Variants in TENM3 observed in about 807,000 individuals in gnomAD.
TENM3 encodes the protein teneurin transmembrane protein 3.
In TENM3, 63 loss-of-function variants were observed where a neutral mutation model predicts 255.1. The observed-to-expected ratio is 0.25, with a 90% CI of 0.20 to 0.30. The LOEUF is 0.30. TENM3 is among the 10% of genes least tolerant of loss of function. TENM3 has a pLI of 1.00. For synonymous variants in TENM3, 1,306 were observed against 1,322.3 expected, an observed-to-expected ratio of 0.99 and a Z score of 0.27; for missense variants, 2,929 against 3,461.1, an observed-to-expected ratio of 0.85 and a Z score of 3.86.
intron 3 of TENM3, among the ~76,000 whole-genome samples, chr4:182,391,458 C>A (rs908341919): frequency 1.3e-5 from 2 of 152,180 alleles, no homozygotes; most frequent in Admixed American, 6.5e-5. Context: ...TTAAATAAAA[C>A]CATGACTGGC....
chr4:182,654,037 T>C (rs1261950753), intron 6 of TENM3, 144 bp downstream of exon 6: 1 of 748,738 alleles, frequency 1.3e-6, no homozygotes, highest in African/African-American at 1.8e-5. Context: ...TAAGTTTTTT[T>C]CAATTAATTT....
the TENM3 span, among the ~76,000 whole-genome samples, chr4:181,527,349 G>C: frequency 6.6e-6 from 1 of 151,956 alleles, no homozygotes; most frequent in African/African-American, 2.4e-5. Context: ...AGGTTTTTGG[G>C]TGTTTTTATT....
At chr4:181,978,810 C>T in the TENM3 span, among the ~76,000 whole-genome samples, 2 of 151,030 alleles carry the variant, frequency 1.3e-5, no homozygotes, top group South Asian at 2.1e-4. Context: ...AACTTAGGAA[C>T]GTATGAAATA....
At chr4:181,477,829 C>A in the TENM3 span, among the ~76,000 whole-genome samples, 1 of 152,046 alleles carries the variant, frequency 6.6e-6, no homozygotes, top group Non-Finnish European at 1.5e-5. Context: ...TTCTGAATCA[C>A]GTGAATACTT....
the TENM3 span, among the ~76,000 whole-genome samples, chr4:182,074,648 G>A: frequency 1.3e-5 from 2 of 152,174 alleles, no homozygotes; most frequent in East Asian, 1.9e-4. Context: ...GAGGCGGTGT[G>A]GGGCAGCAGT....
intron 3 of TENM3, among the ~76,000 whole-genome samples, chr4:182,546,864 G>T (rs1262006787): frequency 2.0e-5 from 3 of 152,112 alleles, no homozygotes; most frequent in Non-Finnish European, 4.4e-5. Flanking sequence ...AGCAGAGGTC[G>T]CTTCAAAAGC....
chr4:181,633,850 C>T, the TENM3 span, among the ~76,000 whole-genome samples: 12 of 152,154 alleles, frequency 7.9e-5, no homozygotes, highest in Non-Finnish European at 1.5e-4. Flanking sequence ...TAAATAGATT[C>T]GTGTCAACCC....
At chr4:182,210,977 T>C (rs959986835) in intron 1 of TENM3, among the ~76,000 whole-genome samples, 14 of 152,162 alleles carry the variant, frequency 9.2e-5, no homozygotes, top group African/African-American at 3.4e-4. Flanking sequence ...ATAGGTGGTC[T>C]TCCCTCCTAA....
At chr4:181,649,064 T>C in the TENM3 span, among the ~76,000 whole-genome samples, 1 of 152,214 alleles carries the variant, frequency 6.6e-6, no homozygotes, top group Non-Finnish European at 1.5e-5. Context: ...GCAGTATTCT[T>C]GTGGTTACTG....
the TENM3 span, among the ~76,000 whole-genome samples, chr4:181,635,670 G>A: frequency 1.3e-5 from 2 of 152,198 alleles, no homozygotes; most frequent in African/African-American, 4.8e-5. Context: ...GAACAGATAG[G>A]ACAGAGGCCT....
At chr4:182,638,124 A>T in intron 5 of TENM3, among the ~76,000 whole-genome samples, 1 of 151,934 alleles carries the variant, frequency 6.6e-6, no homozygotes, top group East Asian at 1.9e-4. Flanking sequence ...GTCACTTTGG[A>T]AATTTGGGGT....
the TENM3 span, among the ~76,000 whole-genome samples, chr4:181,682,578 G>A: frequency 3.1e-4 from 47 of 152,162 alleles, no homozygotes; most frequent in Non-Finnish European, 3.8e-4. Flanking sequence ...ACATTGTCAA[G>A]ATGGGAAGAG....
chr4:181,889,873 C>A, the TENM3 span, among the ~76,000 whole-genome samples: 5 of 152,130 alleles, frequency 3.3e-5, no homozygotes, highest in Non-Finnish European at 7.4e-5. Context: ...TAATTGGGAT[C>A]TTCCTTATAA....
chr4:182,492,961 CT>C (rs1735441296), intron 3 of TENM3, among the ~76,000 whole-genome samples: 1 of 151,626 alleles, frequency 6.6e-6, no homozygotes, highest in Non-Finnish European at 1.5e-5. Context: ...TTTTTAGCAT[CT>C]TTTCAAGAAG....
intron 16 of TENM3, among the ~76,000 whole-genome samples, chr4:182,732,751 CAG>C (rs1760872361): frequency 6.6e-6 from 1 of 152,122 alleles, no homozygotes; most frequent in African/African-American, 2.4e-5. Flanking sequence ...CACTTCAGCC[CAG>C]AGAGGTCAAG....
At chr4:182,003,137 T>C in the TENM3 span, among the ~76,000 whole-genome samples, 2 of 152,156 alleles carry the variant, frequency 1.3e-5, no homozygotes, top group African/African-American at 4.8e-5. Flanking sequence ...CAGCTTTACC[T>C]AGGAATCAGC....
the TENM3 span, among the ~76,000 whole-genome samples, chr4:181,659,892 G>A: frequency 9.2e-5 from 14 of 152,122 alleles, no homozygotes; most frequent in African/African-American, 2.6e-4. Flanking sequence ...ACAGAAAGAC[G>A]CTTTGAAAAA....
chr4:181,768,654 G>GC, the TENM3 span, among the ~76,000 whole-genome samples: 1 of 152,086 alleles, frequency 6.6e-6, no homozygotes, highest in South Asian at 2.1e-4. Context: ...AAAATGCTGT[G>GC]CCTTTTTTTT....
intron 1 of TENM3, among the ~76,000 whole-genome samples, chr4:182,209,862 G>T (rs1318841287): frequency 1.3e-5 from 2 of 152,006 alleles, no homozygotes; most frequent in African/African-American, 2.4e-5. Context: ...TCTCTCAGTT[G>T]ATGAGACCTA....
Sources: gnomAD v4.1 joint callset for allele counts (sites outside exome capture counted in the v4.1 genomes callset) on GRCh38, gnomAD v4.1.1 for gene constraint, MANE v1.5 for transcripts, NCBI Gene and HGNC (gene_info 2026-07-23, HGNC 2026-07-21) for gene names.